Variants in RNF216 observed in about 807,000 individuals in gnomAD.
The protein encoded by RNF216 is E3 ubiquitin-protein ligase RNF216.
Under a neutral mutation model 110.8 loss-of-function variants are expected in RNF216, and 72 were observed. The observed-to-expected ratio is 0.65, with a 90% CI of 0.54 to 0.79. The LOEUF is 0.79. Among genes scored for constraint, RNF216 ranks in the 30% least tolerant of loss-of-function variants. The probability of loss-of-function intolerance (pLI) is 0.00; values close to 1 mark genes in which losing one functional copy is unlikely to be tolerated. For synonymous variants in RNF216, 495 were observed against 407.5 expected (o/e 1.21, Z -2.59); for missense variants, 1,342 against 1,141.2 (o/e 1.18, Z -2.54).
At chr7:5,628,726 G>A (rs1786875018) in intron 15 of RNF216, among the ~76,000 whole-genome samples, 1 of 146,880 alleles carries the variant, frequency 6.8e-6, no homozygotes, top group African/African-American at 2.5e-5. Context: ...TCACCATGTT[G>A]CTCAGGCTAG....
In RNF216 at chr7:5,623,059, G is replaced by A. The variant is rs780100174; in HGVS notation, c.2573C>T (p.Ala858Val). Residue 858 changes from alanine to valine, a missense_variant, in exon 17 of 17, where the codon GCC becomes GTC. By Grantham distance (64) the Ala-to-Val change is moderately conservative. Transcript: ENST00000389902. Reference protein sequence around the residue: ...NLPQPQMPPYAFAHPPFPLPP... With the variant: ...NLPQPQMPPYVFAHPPFPLPP... ...CAGGGGGAAGGGTGGGTGCGCGAAGGCATAGGGTGGCATCTGTGGCTGTGG... is the reference window on the plus strand; with the variant it reads ...CAGGGGGAAGGGTGGGTGCGCGAAGACATAGGGTGGCATCTGTGGCTGTGG... 2.5e-6 allele frequency: 4 copies of A among 1,613,644 alleles called. No homozygotes were observed. The highest frequency in any genetic ancestry group is 1.1e-5 in the South Asian group (1 of 91,064).
intron 7 of RNF216, among the ~76,000 whole-genome samples, chr7:5,728,387 T>A (rs1793887177): frequency 6.6e-6 from 1 of 151,934 alleles, no homozygotes; most frequent in African/African-American, 2.4e-5. Flanking sequence ...GCTGACCAGC[T>A]TGGCCGAAAT....
intron 7 of RNF216, among the ~76,000 whole-genome samples, chr7:5,726,858 A>T (rs921772063): frequency 1.6e-5 from 2 of 125,104 alleles, no homozygotes; most frequent in Admixed American, 7.9e-5. Context: ...ACTCTGTCTT[A>T]AAAAAAAAAA....
At chr7:5,657,342 T>C (rs1584391507) in intron 13 of RNF216, among the ~76,000 whole-genome samples, 1 of 152,070 alleles carries the variant, frequency 6.6e-6, no homozygotes, top group South Asian at 2.1e-4. Flanking sequence ...TGGAGGCAGG[T>C]GGATCACCTG....
intron 9 of RNF216, among the ~76,000 whole-genome samples, chr7:5,718,227 A>G (rs1259216250): frequency 6.6e-6 from 1 of 151,832 alleles, no homozygotes; most frequent in African/African-American, 2.4e-5. Context: ...CTAAAAATAC[A>G]AAAATTAGCC....
chr7:5,708,601 G>GCAAGAAGAT (rs1451746115), intron 13 of RNF216, among the ~76,000 whole-genome samples: 2 of 152,188 alleles, frequency 1.3e-5, no homozygotes, highest in Non-Finnish European at 2.9e-5. Flanking sequence ...TAGGCTTCCT[G>GCAAGAAGAT]CAAGAAGATT....
intron 1 of RNF216, chr7:5,780,139 G>C (rs1797000214): frequency 6.6e-6 from 1 of 152,162 alleles, no homozygotes; most frequent in Non-Finnish European, 1.5e-5. Flanking sequence ...AGGAGTAACA[G>C]CTTGAAAACA....
chr7:5,723,326 G>C (rs897515573), intron 8 of RNF216, among the ~76,000 whole-genome samples: 1 of 152,088 alleles, frequency 6.6e-6, no homozygotes, highest in Non-Finnish European at 1.5e-5. Context: ...AAAGTAATAA[G>C]ATTTATTTTC....
intron 1 of RNF216, among the ~76,000 whole-genome samples, chr7:5,774,132 A>G (rs1796647738): frequency 6.6e-6 from 1 of 152,228 alleles, no homozygotes. Flanking sequence ...TAACTCTCTG[A>G]CACTCAAGTC....
intron 14 of RNF216, among the ~76,000 whole-genome samples, chr7:5,645,842 A>G (rs560613362): frequency 6.6e-6 from 1 of 152,248 alleles, no homozygotes; most frequent in Non-Finnish European, 1.5e-5. Flanking sequence ...CGCCCACGTC[A>G]GCCTCCCAAA....
chr7:5,703,371 A>T (rs191303162), intron 13 of RNF216, among the ~76,000 whole-genome samples: 1 of 152,226 alleles, frequency 6.6e-6, no homozygotes, highest in Non-Finnish European at 1.5e-5. Context: ...AGTGCTGTTA[A>T]TAAGTGCCAA....
At chr7:5,729,760 A>G (rs536771466) in intron 6 of RNF216, among the ~76,000 whole-genome samples, 164 bp from the exon 7 acceptor site, 2 of 152,372 alleles carry the variant, frequency 1.3e-5, no homozygotes, top group Admixed American at 1.3e-4. Flanking sequence ...GGTGGCTCAG[A>G]GAGGTTAAAC....
intron 15 of RNF216, among the ~76,000 whole-genome samples, chr7:5,625,895 T>G (rs530498917): frequency 2.0e-4 from 31 of 152,320 alleles, no homozygotes; most frequent in Non-Finnish European, 4.4e-4. Context: ...AGATGCCAAG[T>G]GATGGGTTTG....
At chr7:5,659,840 T>C (rs996656686) in intron 13 of RNF216, among the ~76,000 whole-genome samples, 2 of 152,150 alleles carry the variant, frequency 1.3e-5, no homozygotes, top group Non-Finnish European at 2.9e-5. Context: ...GATGGGGCAA[T>C]AGCAGCACAC....
rs539324691 is a variant in RNF216, at chr7:5,638,751, C to T, written c.2382+2403G>A. Among the ~76,000 whole-genome samples, 84 of 151,852 alleles carry T rather than the reference C, an allele frequency of 5.5e-4. 1 individual carries two copies. The highest frequency in any genetic ancestry group is 3.0e-3 in the Admixed American group (45 of 15,254). The stretch of plus-strand genomic sequence containing the variant: ...CTCCCAGGCTCAAATGATCCTCCTG[C>T]CTCAGCCTCCCAAGTAGCTATGACT... On this transcript the variant is annotated intron_variant, in intron 15 of 16. Coordinates refer to ENST00000389902, the MANE Select transcript of RNF216 (RefSeq NM_207111.4).
chr7:5,769,412 G>A (rs1404288807), intron 1 of RNF216, among the ~76,000 whole-genome samples: 5 of 147,732 alleles, frequency 3.4e-5, no homozygotes, highest in African/African-American at 4.9e-5. Context: ...CACCGCGCCT[G>A]GCCGCAAATG....
intron 13 of RNF216, among the ~76,000 whole-genome samples, chr7:5,677,852 C>T (rs1427040045): frequency 6.6e-6 from 1 of 152,184 alleles, no homozygotes; most frequent in Non-Finnish European, 1.5e-5. Flanking sequence ...AAGGAGGATA[C>T]TGGAATGTAA....
At chr7:5,722,416 G>T (rs1793488423) in intron 8 of RNF216, among the ~76,000 whole-genome samples, 1 of 148,140 alleles carries the variant, frequency 6.8e-6, no homozygotes. Flanking sequence ...TTGAGACAGA[G>T]TCTCACTCTG....
intron 7 of RNF216, among the ~76,000 whole-genome samples, chr7:5,727,069 C>T (rs560423000): frequency 1.9e-3 from 283 of 152,222 alleles, no homozygotes; most frequent in Non-Finnish European, 3.2e-3. Flanking sequence ...CCTGTGGCTA[C>T]GCTGTTAGGG....
Sources: gnomAD v4.1 joint callset for allele counts (sites outside exome capture counted in the v4.1 genomes callset) on GRCh38, gnomAD v4.1.1 for gene constraint, MANE v1.5 for transcripts, NCBI Gene and HGNC (gene_info 2026-07-23, HGNC 2026-07-21) for gene names.